PTPRN2: variants seen among roughly 807,000 people sequenced by gnomAD.
The protein encoded by PTPRN2 is receptor-type tyrosine-protein phosphatase N2.
PTPRN2 carries 74 observed loss-of-function variants against 118.8 expected under a neutral mutation model. That is an observed-to-expected ratio of 0.62 (90% CI 0.52 to 0.76). The LOEUF (loss-of-function observed/expected upper bound fraction) is 0.76. PTPRN2 is among the 30% of genes least tolerant of loss of function. The pLI is 0.00. For synonymous variants in PTPRN2, 641 were observed against 608.0 expected (o/e 1.05, Z -0.80); for missense variants, 1,481 against 1,394.4 (o/e 1.06, Z -0.99).
At chr7:158,120,847 G>A (rs1817108192) in intron 9 of PTPRN2, among the ~76,000 whole-genome samples, 1 of 152,152 alleles carries the variant, frequency 6.6e-6, no homozygotes, top group Admixed American at 6.5e-5. Context: ...ACAGGGAAGG[G>A]AGCCAGGCGG....
At chr7:157,739,478 C>T (rs546102306) in intron 12 of PTPRN2, 1 of 152,324 alleles carries the variant, frequency 6.6e-6, no homozygotes, top group Admixed American at 6.5e-5. Context: ...AGATGGTCTC[C>T]TGTAAAAAAT....
chr7:157,650,011 A>G (rs1805537103), intron 14 of PTPRN2, among the ~76,000 whole-genome samples: 2 of 152,226 alleles, frequency 1.3e-5, no homozygotes, highest in Middle Eastern at 3.4e-3. Context: ...TTCACTGTGC[A>G]CTGAACTCGG....
At chr7:157,557,281 A>C (rs1043553795) in intron 21 of PTPRN2, among the ~76,000 whole-genome samples, 2 of 151,152 alleles carry the variant, frequency 1.3e-5, no homozygotes, top group Admixed American at 1.3e-4. Context: ...ATCCTACATC[A>C]CATGTGCACA....
At chr7:157,614,876 T>A (rs900139265) in intron 15 of PTPRN2, among the ~76,000 whole-genome samples, 2 of 152,214 alleles carry the variant, frequency 1.3e-5, no homozygotes, top group Non-Finnish European at 2.9e-5. Flanking sequence ...TCCAGGACTA[T>A]GGGGAAATGC....
rs1314543866 is a variant in PTPRN2, at chr7:157,953,862, T to A, written c.1724-55125A>T. Among the ~76,000 whole-genome samples, 1 of 152,092 alleles carries A rather than the reference T, an allele frequency of 6.6e-6. No individual in the cohort carries two copies. Among genetic ancestry groups the A allele is most frequent in the African/African-American group, 2.4e-5 (1 of 41,394 alleles). ...GGAGAAATGTAAGCAAATCCGCATT[T>A]CGAAGCAGAAATCGCTGGTTTAAAT... On this transcript the variant is annotated intron_variant, in intron 11 of 22. Coordinates refer to ENST00000389418, the MANE Select transcript of PTPRN2 (RefSeq NM_002847.5). The surrounding 1 kb of genome is among the most constrained non-coding windows in gnomAD (Gnocchi z 4.6).
Position 157,964,826 on chromosome 7 carries a change from G to A in PTPRN2, c.1724-66089C>T, listed in dbSNP as rs773227911. Among the ~76,000 whole-genome samples the A allele has an allele frequency of 6.6e-5, 10 of 152,296 alleles. No individual in the cohort carries two copies. The highest frequency in any genetic ancestry group is 2.1e-4 in the South Asian group (1 of 4,820). ...GCTGATCCCCATGGCCTGTTCTTTC[G>A]ACGATCCTCCTCTTGCCCCAATTTC... On this transcript the variant is annotated intron_variant, in intron 11 of 22. Transcript: ENST00000389418. This position sits in a 1 kb window ranked among gnomAD's most constrained non-coding sequence, Gnocchi z 9.0.
chr7:157,593,395 T>TG (rs1390369776), intron 17 of PTPRN2, among the ~76,000 whole-genome samples: 1 of 152,222 alleles, frequency 6.6e-6, no homozygotes, highest in Non-Finnish European at 1.5e-5. Flanking sequence ...AGAGAAGTCT[T>TG]GCACAGGTGA....
At chr7:157,548,176 A>G (rs528018033) in intron 22 of PTPRN2, among the ~76,000 whole-genome samples, 1 of 152,302 alleles carries the variant, frequency 6.6e-6, no homozygotes, top group Admixed American at 6.5e-5. Flanking sequence ...AGATCGTGCC[A>G]CTGCACTCCA....
intron 3 of PTPRN2, among the ~76,000 whole-genome samples, chr7:158,244,450 G>A (rs897761910): frequency 1.3e-5 from 2 of 152,178 alleles, no homozygotes; most frequent in African/African-American, 4.8e-5. Context: ...GCGTGAGTGT[G>A]AATGAGCGTG....
intron 2 of PTPRN2, among the ~76,000 whole-genome samples, chr7:158,330,814 A>AGG (rs1804224048): frequency 9.7e-6 from 1 of 102,928 alleles, no homozygotes; most frequent in African/African-American, 3.3e-5. Context: ...ATAAGAGCTG[A>AGG]CACCCGCAGA....
chr7:157,780,381 G>A lies in PTPRN2; in HGVS notation c.1789-97444C>T, dbSNP rs527441769. The stretch of plus-strand genomic sequence containing the variant: ...CAGCCATATCTGTCAGTTTATATAA[G>A]GGGTGGCGGCTGCTCAGCGAGGCCT... On this transcript the variant is annotated intron_variant, in intron 12 of 22. Coordinates refer to ENST00000389418, the MANE Select transcript of PTPRN2 (RefSeq NM_002847.5). The surrounding 1 kb of genome is among the most constrained non-coding windows in gnomAD (Gnocchi z 4.5). Among the ~76,000 whole-genome samples the A allele has an allele frequency of 2.0e-5, 3 of 152,336 alleles. No homozygotes were observed. The East Asian group carries it at 5.8e-4, about 29-fold the overall frequency.
At chr7:158,467,634 G>A (rs1670361) in intron 2 of PTPRN2, among the ~76,000 whole-genome samples, 104,962 of 151,976 alleles carry the variant, frequency 0.69, 36,491 homozygotes, top group Admixed American at 0.78. Flanking sequence ...ACGGTGTAAG[G>A]TAAGGTCCCA....
At chr7:157,724,828 A>G (rs949400497) in intron 12 of PTPRN2, among the ~76,000 whole-genome samples, 56 of 152,236 alleles carry the variant, frequency 3.7e-4, no homozygotes, top group Non-Finnish European at 7.3e-4. Context: ...GGCGGGGACC[A>G]TCTGTGTATT....
intron 14 of PTPRN2, among the ~76,000 whole-genome samples, chr7:157,625,401 T>A (rs1345570873): frequency 6.6e-6 from 1 of 152,078 alleles, no homozygotes; most frequent in Non-Finnish European, 1.5e-5. Flanking sequence ...TACACAGCCA[T>A]AAAAAGGAAT....
chr7:157,619,374 C>T lies in PTPRN2; in HGVS notation c.2344+1988G>A, dbSNP rs1413707101. 1.3e-5 allele frequency among the ~76,000 whole-genome samples: 2 copies of T among 152,054 alleles called. No homozygotes were observed. The highest frequency in any genetic ancestry group is 6.5e-5 in the Admixed American group (1 of 15,272). The stretch of plus-strand genomic sequence containing the variant: ...CTCCACTCAGGACTCAGCAGGATAC[C>T]CGCTCACCACCACCCTCACTTGTCC... On this transcript the variant is annotated intron_variant, in intron 15 of 22. Transcript: ENST00000389418. This position sits in a 1 kb window ranked among gnomAD's most constrained non-coding sequence, Gnocchi z 5.3.
chr7:158,141,726 TC>T (rs1563498638), intron 6 of PTPRN2, among the ~76,000 whole-genome samples: 1 of 152,164 alleles, frequency 6.6e-6, no homozygotes, highest in African/African-American at 2.4e-5. Flanking sequence ...CCTCTGATTT[TC>T]CCCTTTGAAA....
chr7:158,476,686 GA>G (rs1475326260), intron 2 of PTPRN2, among the ~76,000 whole-genome samples: 1 of 152,266 alleles, frequency 6.6e-6, no homozygotes, highest in South Asian at 2.1e-4. Context: ...CTGGAGGCTG[GA>G]AAAAAAATGT....
chr7:157,623,032 A>T (rs576078751), intron 14 of PTPRN2, among the ~76,000 whole-genome samples: 1 of 152,226 alleles, frequency 6.6e-6, no homozygotes, highest in Non-Finnish European at 1.5e-5. Flanking sequence ...TTCCTTGTGC[A>T]TGGAAGAAGC....
intron 1 of PTPRN2, among the ~76,000 whole-genome samples, chr7:158,578,537 T>TAAAAAAAAAAAAAAAA (rs59811856): frequency 7.9e-6 from 1 of 125,904 alleles, no homozygotes; most frequent in African/African-American, 3.0e-5. Context: ...CCTGTCTCTG[T>TAAAAAAAAAAAAAAAA]AAAAAAAAAA....
Sources: gnomAD v4.1 joint callset for allele counts (sites outside exome capture counted in the v4.1 genomes callset) on GRCh38, gnomAD v4.1.1 for gene constraint, Gnocchi (gnomAD v3.1) non-coding constraint, MANE v1.5 for transcripts, NCBI Gene and HGNC (gene_info 2026-07-23, HGNC 2026-07-21) for gene names.